Variants in MLLT3 observed in about 807,000 individuals in gnomAD.
MLLT3 encodes the protein MLLT3 super elongation complex subunit.
A neutral mutation model predicts 53.2 loss-of-function variants in MLLT3; 4 were observed. The ratio of observed to expected loss-of-function variants is 0.08; its 90% confidence interval spans 0.04 to 0.17. MLLT3 has a LOEUF of 0.17. Ranked by LOEUF, MLLT3 falls within the 10% of genes least tolerant of loss-of-function variation. The pLI is 1.00. For synonymous variants in MLLT3, 283 were observed against 230.6 expected, an observed-to-expected ratio of 1.23 and a Z score of -2.06; for missense variants, 569 against 684.0, an observed-to-expected ratio of 0.83 and a Z score of 1.87.
At chr9:20,476,064 T>G (rs1198829022) in intron 2 of MLLT3, among the ~76,000 whole-genome samples, 1 of 152,106 alleles carries the variant, frequency 6.6e-6, no homozygotes, top group East Asian at 1.9e-4. Context: ...CTGTTTTTTT[T>G]GTGTATTTTT....
intron 7 of MLLT3, among the ~76,000 whole-genome samples, chr9:20,361,233 T>C (rs7847028): frequency 0.32 from 48,815 of 152,130 alleles, 14,890 homozygotes; most frequent in African/African-American, 0.76. Flanking sequence ...CTACCTACTA[T>C]GATCAAGCAT....
intron 2 of MLLT3, among the ~76,000 whole-genome samples, chr9:20,459,864 A>G (rs1824066646): frequency 6.6e-6 from 1 of 152,236 alleles, no homozygotes; most frequent in African/African-American, 2.4e-5. Flanking sequence ...CAATGTCTGT[A>G]AACCCCTGAG....
intron 2 of MLLT3, among the ~76,000 whole-genome samples, chr9:20,474,684 G>A (rs1294617862): frequency 6.6e-6 from 1 of 151,818 alleles, no homozygotes; most frequent in African/African-American, 2.4e-5. Flanking sequence ...GACCAACGAG[G>A]GGAAAAAAAA....
At chr9:20,524,182 G>C (rs1239697678) in intron 2 of MLLT3, among the ~76,000 whole-genome samples, 1 of 152,070 alleles carries the variant, frequency 6.6e-6, no homozygotes, top group Non-Finnish European at 1.5e-5. Flanking sequence ...CACTCTGGTA[G>C]GGGATGTTGA....
intron 2 of MLLT3, among the ~76,000 whole-genome samples, chr9:20,584,124 A>C (rs1180819194): frequency 1.3e-5 from 2 of 152,156 alleles, no homozygotes; most frequent in Non-Finnish European, 2.9e-5. Context: ...CTCAAGTTCA[A>C]GGTTCCACAA....
intron 2 of MLLT3, among the ~76,000 whole-genome samples, chr9:20,479,683 T>C (rs184657586): frequency 4.6e-5 from 7 of 152,330 alleles, no homozygotes; most frequent in African/African-American, 1.7e-4. Context: ...ATAGTATCTG[T>C]CCTAGCTTTC....
chr9:20,615,963 C>G (rs1213864638), intron 2 of MLLT3, among the ~76,000 whole-genome samples: 2 of 151,214 alleles, frequency 1.3e-5, no homozygotes, highest in Non-Finnish European at 2.9e-5. Flanking sequence ...TAAAATGTTA[C>G]CTGTATGTTA....
intron 5 of MLLT3, among the ~76,000 whole-genome samples, chr9:20,373,182 C>A (rs1016589149): frequency 3.9e-5 from 6 of 152,128 alleles, no homozygotes; most frequent in African/African-American, 1.4e-4. Context: ...AAACACCTAG[C>A]ACACTGCTGT....
At chr9:20,498,123 T>C (rs1196298942) in intron 2 of MLLT3, among the ~76,000 whole-genome samples, 2 of 149,112 alleles carry the variant, frequency 1.3e-5, no homozygotes, top group Non-Finnish European at 3.0e-5. Flanking sequence ...CTCAGGAGGC[T>C]GACGCAGAGA....
At chr9:20,394,334 A>G (rs571811075) in intron 5 of MLLT3, among the ~76,000 whole-genome samples, 1 of 152,290 alleles carries the variant, frequency 6.6e-6, no homozygotes, top group East Asian at 1.9e-4. Context: ...ATAAGACACT[A>G]GCTGTGCAAA....
At chr9:20,614,486 A>G (rs1380516535) in intron 2 of MLLT3, among the ~76,000 whole-genome samples, 1 of 152,068 alleles carries the variant, frequency 6.6e-6, no homozygotes, top group East Asian at 1.9e-4. Flanking sequence ...AAAAGCACAC[A>G]CTTGTTGAAT....
intron 2 of MLLT3, among the ~76,000 whole-genome samples, chr9:20,588,849 G>A (rs1466177228): frequency 6.6e-6 from 1 of 151,926 alleles, no homozygotes; most frequent in African/African-American, 2.4e-5. Context: ...CACCATCACT[G>A]GCCATCAGAG....
intron 6 of MLLT3, among the ~76,000 whole-genome samples, chr9:20,364,513 C>A (rs1821401710): frequency 2.0e-5 from 3 of 152,118 alleles, no homozygotes; most frequent in Admixed American, 1.3e-4. Context: ...TTAGGCAATT[C>A]CTAAAGTCCC....
intron 2 of MLLT3, among the ~76,000 whole-genome samples, chr9:20,512,151 C>T (rs967005623): frequency 2.0e-5 from 3 of 152,202 alleles, no homozygotes; most frequent in African/African-American, 4.8e-5. Context: ...AATACTCATT[C>T]TTGATATGCC....
At chr9:20,446,034 T>C (rs1416042376) in intron 4 of MLLT3, among the ~76,000 whole-genome samples, 1 of 152,170 alleles carries the variant, frequency 6.6e-6, no homozygotes, top group Admixed American at 6.6e-5. Context: ...AGCCAAAAGA[T>C]GTTTATTAGT....
intron 2 of MLLT3, among the ~76,000 whole-genome samples, chr9:20,467,539 T>A (rs1368640757): frequency 6.6e-6 from 1 of 152,104 alleles, no homozygotes; most frequent in Admixed American, 6.6e-5. Flanking sequence ...GATCATGCCA[T>A]TGCACTCCAG....
Position 20,402,216 on chromosome 9 carries a change from G to A in MLLT3, c.1125+11505C>T, listed in dbSNP as rs368941387. On this transcript the variant is annotated intron_variant, in intron 5 of 10. Transcript: ENST00000380338. Reference sequence around the variant, plus strand: ...GCTTAGGACATGGTTTCTACATTAGGATCTGGAAGGCACTAGTGAACTTTT... The same window carrying A: ...GCTTAGGACATGGTTTCTACATTAGAATCTGGAAGGCACTAGTGAACTTTT... 2.0e-5 allele frequency among the ~76,000 whole-genome samples: 3 copies of A among 152,298 alleles called. No homozygotes were observed. In the East Asian group the frequency reaches 5.8e-4, roughly 29 times the overall value.
chr9:20,343,604 T>C lies in MLLT3; in HGVS notation c.*2839A>G. The C allele has an allele frequency of 4.4e-6, 1 of 229,642 alleles. No homozygotes were observed. 14.2% of individuals were successfully genotyped at this position (229,642 alleles called of 1,614,324 possible). A position where few individuals can be genotyped will look rare whatever the true frequency, so the allele number is the denominator to read the frequency against. ...TAAGGGGGCAGAGGGGCAGGAGCTC[T>C]GTACATATATTTTTTCCCCTGGCTG... On this transcript the variant is annotated 3_prime_UTR_variant, in exon 11 of 11. Transcript: ENST00000380338.
intron 2 of MLLT3, among the ~76,000 whole-genome samples, chr9:20,570,740 CA>C (rs1279842993): frequency 6.6e-6 from 1 of 152,134 alleles, no homozygotes; most frequent in African/African-American, 2.4e-5. Flanking sequence ...AAATTCCTAG[CA>C]ATACCGATTG....
Sources: gnomAD v4.1 joint callset for allele counts (sites outside exome capture counted in the v4.1 genomes callset) on GRCh38, gnomAD v4.1.1 for gene constraint, MANE v1.5 for transcripts, NCBI Gene and HGNC (gene_info 2026-07-23, HGNC 2026-07-21) for gene names.